Variants in ZFPM1 observed in about 807,000 individuals in gnomAD.
ZFPM1 encodes zinc finger protein, FOG family member 1, also known as zinc finger protein ZFPM1.
ZFPM1 carries 28 observed loss-of-function variants against 46.3 expected under a neutral mutation model. That is an observed-to-expected ratio of 0.60 (90% CI 0.45 to 0.83). The LOEUF (loss-of-function observed/expected upper bound fraction) is 0.83. ZFPM1 is among the 40% of genes least tolerant of loss of function. The pLI, the probability that ZFPM1 is intolerant of heterozygous loss-of-function variation, is 0.00. For missense variants in ZFPM1, 1,878 were observed against 1,432.4 expected, an observed-to-expected ratio of 1.31 and a Z score of -5.02; for synonymous variants, 957 against 675.9, an observed-to-expected ratio of 1.42 and a Z score of -6.45.
intron 1 of ZFPM1, among the ~76,000 whole-genome samples, chr16:88,470,306 C>A (rs1338566103): frequency 2.0e-5 from 3 of 152,176 alleles, no homozygotes; most frequent in African/African-American, 7.2e-5. Context: ...TCTGGATGCC[C>A]ACGGGTGTCC....
intron 4 of ZFPM1, among the ~76,000 whole-genome samples, chr16:88,524,555 G>A: frequency 6.6e-6 from 1 of 152,240 alleles, no homozygotes; most frequent in East Asian, 1.9e-4. Context: ...CCCCGGACAT[G>A]CCCTGTGGAC....
intron 3 of ZFPM1, among the ~76,000 whole-genome samples, chr16:88,500,163 C>G (rs566349511): frequency 6.6e-6 from 1 of 152,302 alleles, no homozygotes; most frequent in African/African-American, 2.4e-5. Context: ...CAGGCCCCGC[C>G]GTTGCCCTAC....
At chr16:88,526,220 G>A (rs907458466) in intron 4 of ZFPM1, among the ~76,000 whole-genome samples, 1 of 152,200 alleles carries the variant, frequency 6.6e-6, no homozygotes, top group Non-Finnish European at 1.5e-5. Context: ...AGGTGGCCCT[G>A]CCACGCCCTG....
At chr16:88,514,331 T>C in intron 3 of ZFPM1, 56 bp from the exon 4 acceptor site, 1 of 1,545,026 alleles carries the variant, frequency 6.5e-7, no homozygotes, top group Non-Finnish European at 8.7e-7. Context: ...TAGCGGGAGG[T>C]GGGCTGGACA....
chr16:88,460,952 GCGGGGCGGGAGGCC>G lies in ZFPM1; in HGVS notation c.40+7275_40+7288del, dbSNP rs1567525417. Among the ~76,000 whole-genome samples, 89 of 51,094 alleles carry G rather than the reference GCGGGGCGGGAGGCC, an allele frequency of 1.7e-3. 2 individuals carry two copies. The highest frequency in any genetic ancestry group is 9.9e-3 in the African/African-American group (84 of 8,496). 33.5% of individuals were successfully genotyped at this position (51,094 alleles called of 152,430 possible). ...CGGGAGGCCTGGTGATGACCGAGGG[GCGGGGCGGGAGGCC>G]TGGTGAGGACCGAGGGGAGGGGCGG... On this transcript the variant is annotated intron_variant, in intron 1 of 9. Transcript: ENST00000319555.
intron 1 of ZFPM1, among the ~76,000 whole-genome samples, chr16:88,458,097 A>G (rs1354622793): frequency 2.0e-5 from 3 of 152,228 alleles, no homozygotes; most frequent in African/African-American, 7.2e-5. Flanking sequence ...TGAAGCACAG[A>G]GAAGTTTCTC....
intron 3 of ZFPM1, among the ~76,000 whole-genome samples, chr16:88,511,838 C>T (rs868522827): frequency 6.6e-6 from 1 of 152,216 alleles, no homozygotes; most frequent in African/African-American, 2.4e-5. Flanking sequence ...GCATCCACCC[C>T]CAAGAGGCAC....
At chr16:88,529,151 G>T (rs528966898) in intron 6 of ZFPM1, among the ~76,000 whole-genome samples, 1 of 151,994 alleles carries the variant, frequency 6.6e-6, no homozygotes, top group East Asian at 2.0e-4. Flanking sequence ...GTGATGGTGC[G>T]CCCCGTGCAC....
intron 3 of ZFPM1, among the ~76,000 whole-genome samples, chr16:88,506,554 G>T (rs978653048): frequency 6.6e-6 from 1 of 152,180 alleles, no homozygotes; most frequent in African/African-American, 2.4e-5. Context: ...CAGAGTGGTG[G>T]CCATCACTGG....
At chr16:88,530,579 G>A (rs1327485467) in intron 6 of ZFPM1, 1 of 152,232 alleles carries the variant, frequency 6.6e-6, no homozygotes, top group Non-Finnish European at 1.5e-5. Context: ...GGCCCATCTC[G>A]CCTGTGAAGC....
chr16:88,489,316 G>T, intron 3 of ZFPM1, 163 bp downstream of exon 3: 1 of 1,178,064 alleles, frequency 8.5e-7, no homozygotes, highest in Non-Finnish European at 1.1e-6. Context: ...CCGTGCAGCT[G>T]GTGGTATCAC....
intron 4 of ZFPM1, among the ~76,000 whole-genome samples, chr16:88,523,306 G>A (rs1367106976): frequency 1.3e-5 from 2 of 152,182 alleles, no homozygotes; most frequent in Non-Finnish European, 2.9e-5. Context: ...AAGGGCTTCT[G>A]TTCCAGGCTG....
At chr16:88,482,467 G>A (rs961904641) in intron 1 of ZFPM1, among the ~76,000 whole-genome samples, 4 of 152,032 alleles carry the variant, frequency 2.6e-5, no homozygotes, top group Admixed American at 2.0e-4. Context: ...CTTTCTCCAC[G>A]CTCATCACCA....
At position 88,534,115 on chromosome 16, in the gene ZFPM1, GC is replaced by G. The variant is rs1448556440; in HGVS notation, c.2162del (p.Pro721ArgfsTer77). 21 of 1,128,060 alleles carry G rather than the reference GC, an allele frequency of 1.9e-5. No homozygotes were observed. Among genetic ancestry groups the G allele is most frequent in the South Asian group, 7.4e-5 (4 of 54,358 alleles). The allele number at this position is 1,128,060 out of a possible 1,614,324, so 69.9% of individuals were successfully genotyped here. A position where few individuals can be genotyped will look rare whatever the true frequency, so the allele number is the denominator to read the frequency against. On this transcript the variant is annotated frameshift_variant, in exon 10 of 10. Coordinates refer to ENST00000319555, the MANE Select transcript of ZFPM1 (RefSeq NM_153813.3). LOFTEE classifies it low-confidence loss of function (END_TRUNC). ...HDPPPRRPAA[P>X]PGPPGPAAPP... is the part of the protein sequence containing the mutation. ...ACCCGCCGCCGCGCCGACCGGCCGC[GC>G]CCCCGGGACCCCCTGGGCCGGCCGC...
At chr16:88,500,534 C>G (rs1394960421) in intron 3 of ZFPM1, among the ~76,000 whole-genome samples, 1 of 152,260 alleles carries the variant, frequency 6.6e-6, no homozygotes, top group South Asian at 2.1e-4. Flanking sequence ...CTGGCCTGGC[C>G]GCTGTCACCT....
Position 88,469,212 on chromosome 16 carries a change from A to G in ZFPM1, c.40+15534A>G, listed in dbSNP as rs36049560. Among the ~76,000 whole-genome samples, 65,114 of 151,978 alleles carry G rather than the reference A, an allele frequency of 0.43. 15,567 individuals carry two copies. The highest frequency in any genetic ancestry group is 0.63 in the African/African-American group (26,045 of 41,468). The stretch of plus-strand genomic sequence containing the variant: ...CCACCCTCTCCCCGCGCTGACTTCC[A>G]TCCGGAACCTCATTCTGCCAAGCTT... On this transcript the variant is annotated intron_variant, in intron 1 of 9. Coordinates refer to ENST00000319555, the MANE Select transcript of ZFPM1 (RefSeq NM_153813.3). The surrounding 1 kb of genome is among the most constrained non-coding windows in gnomAD (Gnocchi z 4.3).
intron 7 of ZFPM1, 140 bp from the exon 8 acceptor site, chr16:88,532,474 G>A (rs1423974616): frequency 4.3e-6 from 4 of 922,818 alleles, no homozygotes; most frequent in South Asian, 1.7e-5. Context: ...AGGCGGAGGA[G>A]GAGGAGGAGG....
At chr16:88,468,050 C>A (rs34185554) in intron 1 of ZFPM1, among the ~76,000 whole-genome samples, 42,126 of 117,376 alleles carry the variant, frequency 0.36, 8,845 homozygotes, top group East Asian at 0.54. Context: ...CCCCTCACGC[C>A]CCCGCGAGCC....
At chr16:88,529,926 G>A (rs1437814778) in intron 6 of ZFPM1, among the ~76,000 whole-genome samples, 8 of 152,150 alleles carry the variant, frequency 5.3e-5, no homozygotes, top group Non-Finnish European at 1.0e-4. Context: ...AGAACGGGCC[G>A]AGCGGCCAGG....
Sources: gnomAD v4.1 joint callset for allele counts (sites outside exome capture counted in the v4.1 genomes callset) on GRCh38, gnomAD v4.1.1 for gene constraint, Gnocchi (gnomAD v3.1) non-coding constraint, MANE v1.5 for transcripts, NCBI Gene and HGNC (gene_info 2026-07-23, HGNC 2026-07-21) for gene names.